The following AHCTF1 variants were observed in gnomAD, a reference collection of about 807,000 sequenced individuals.
AHCTF1 encodes the protein protein ELYS.
In AHCTF1, 24 loss-of-function variants were observed where a neutral mutation model predicts 248.4. That is an observed-to-expected ratio of 0.10 (90% CI 0.07 to 0.14). The LOEUF is 0.14. Among genes scored for constraint, AHCTF1 ranks in the 10% least tolerant of loss-of-function variants. The probability of loss-of-function intolerance (pLI) is 1.00; values close to 1 mark genes in which losing one functional copy is unlikely to be tolerated. For synonymous variants in AHCTF1, 786 were observed against 929.8 expected, an observed-to-expected ratio of 0.85 and a Z score of 2.81; for missense variants, 2,206 against 2,636.2, an observed-to-expected ratio of 0.84 and a Z score of 3.57.
intron 11 of AHCTF1, among the ~76,000 whole-genome samples, 199 bp from the exon 12 acceptor site, chr1:246,898,535 T>C (rs1298838752): frequency 6.6e-6 from 1 of 152,094 alleles, no homozygotes; most frequent in African/African-American, 2.4e-5. Flanking sequence ...ATACTACTAT[T>C]AGCAAAAGGT....
intron 24 of AHCTF1, among the ~76,000 whole-genome samples, chr1:246,872,648 A>G (rs1002606378): frequency 3.3e-5 from 5 of 152,202 alleles, no homozygotes; most frequent in Non-Finnish European, 7.3e-5. Flanking sequence ...GGATCACGCT[A>G]GCCAAACTAT....
At position 246,861,607 on chromosome 1, in the gene AHCTF1, A is replaced by G. The variant is rs114583882; in HGVS notation, c.3736-312T>C. Among the ~76,000 whole-genome samples, 620 of 152,316 alleles carry G rather than the reference A, an allele frequency of 4.1e-3. 3 individuals are homozygous for G. Among genetic ancestry groups the G allele is most frequent in the African/African-American group, 0.014 (593 of 41,558 alleles). ...CCTCAAGACACACCCTCAAAAACATATAACTAGTTAGAAACAACACAATAT... is the reference window on the plus strand; with the variant it reads ...CCTCAAGACACACCCTCAAAAACATGTAACTAGTTAGAAACAACACAATAT... On this transcript the variant is annotated intron_variant, in intron 28 of 35. Coordinates refer to ENST00000648844, the MANE Select transcript of AHCTF1 (RefSeq NM_001323342.2).
At chr1:246,883,068 A>C (rs1373486207) in intron 21 of AHCTF1, among the ~76,000 whole-genome samples, 1 of 152,238 alleles carries the variant, frequency 6.6e-6, no homozygotes, top group Admixed American at 6.5e-5. Flanking sequence ...ATTAATAAAC[A>C]ATATCACTAA....
Position 246,860,939 on chromosome 1 carries a change from A to T in AHCTF1, c.4092T>A (p.Phe1364Leu). Reference sequence around the variant, plus strand: ...GGTCTGAAGGAGTTACTTCTGATGCAAATACATCTTTATCTCCATCCTTTT... The same window carrying T: ...GGTCTGAAGGAGTTACTTCTGATGCTAATACATCTTTATCTCCATCCTTTT... ...QTEKDGDKDV[F>L]ASEVTPSDLQ... is the part of the protein sequence containing the mutation. The change falls in exon 29 of 36, where the codon TTT becomes TTA. Residue 1364 changes from phenylalanine to leucine, a missense_variant. Phe to Leu is a conservative substitution (Grantham distance 22). Transcript: ENST00000648844. The T allele has an allele frequency of 6.2e-7, 1 of 1,612,488 alleles. No homozygotes were observed. The highest frequency in any genetic ancestry group is 8.5e-7 in the Non-Finnish European group (1 of 1,178,560).
rs766800016 is a variant in AHCTF1 at position 246,916,416 on chromosome 1, C to T, written c.122-21G>A. 6.1e-5 allele frequency: 97 copies of T among 1,600,554 alleles called. No individual in the cohort carries two copies. The Admixed American group carries it at 1.2e-3, about 21-fold the overall frequency. ...TTTCCCTAGAAGAAAAAAAAATTGC[C>T]TATTTTAATATTGTATATACACAAA... On this transcript the variant is annotated intron_variant, in intron 2 of 35. Coordinates refer to ENST00000648844, the MANE Select transcript of AHCTF1 (RefSeq NM_001323342.2).
In AHCTF1 at chr1:246,850,402, T is replaced by C; in HGVS notation, c.5604A>G (p.Thr1868=). 1 of 1,606,470 alleles carries C rather than the reference T, an allele frequency of 6.2e-7. No homozygotes were observed. The highest frequency in any genetic ancestry group is 1.1e-5 in the South Asian group (1 of 89,618). ...TTTTAATTCTTCTAGGAGTCCTTTT[T>C]GTAACAGATGAAACCTTAACTTCTT... The part of the protein sequence containing the change: ...TKKEVKVSSV[T]KRTPRRIKRS... Residue 1868 remains threonine (T), a synonymous_variant, in exon 33 of 36, where the codon ACA becomes ACG. Transcript: ENST00000648844.
intron 12 of AHCTF1, among the ~76,000 whole-genome samples, chr1:246,896,798 T>G (rs997946337): frequency 1.2e-4 from 18 of 152,138 alleles, no homozygotes; most frequent in African/African-American, 4.3e-4. Flanking sequence ...ATTTCATTCA[T>G]TACAGGAGCA....
rs1661772089 is a variant in AHCTF1, at chr1:246,864,063, A to G, written c.3401T>C (p.Phe1134Ser). The G allele has an allele frequency of 4.3e-6, 7 of 1,614,200 alleles. No individual in the cohort carries two copies. Among genetic ancestry groups the G allele is most frequent in the African/African-American group, 4.0e-5 (3 of 75,066 alleles). Residue 1134 changes from phenylalanine to serine, a missense_variant, in exon 27 of 36, where the codon TTT becomes TCT. Transcript: ENST00000648844. ...PVPRPSQCSE[F>S]IQQSSMKSPL... The stretch of plus-strand genomic sequence containing the variant: ...AGATTTCATGGAGCTTTGCTGAATA[A>G]ACTCCGAACACTGAGAAGGCCGGGG...
At chr1:246,914,358 G>C (rs1460708468) in intron 3 of AHCTF1, among the ~76,000 whole-genome samples, 1 of 152,160 alleles carries the variant, frequency 6.6e-6, no homozygotes, top group East Asian at 1.9e-4. Context: ...GGCAAGAAAA[G>C]AAAATATCTG....
intron 13 of AHCTF1, 97 bp from the exon 14 acceptor site, chr1:246,894,845 C>A (rs1442265795): frequency 2.0e-6 from 2 of 982,686 alleles, no homozygotes; most frequent in Admixed American, 4.1e-5. Flanking sequence ...GCACCCTAAC[C>A]GAGTGAACAT....
rs139187692 is a variant in AHCTF1 at position 246,896,396 on chromosome 1, C to T, written c.1624-471G>A. On this transcript the variant is annotated intron_variant, in intron 12 of 35. Transcript: ENST00000648844. ...TACAGCCATAAAAGGGGATGAAGTACTGATACTTGCTATAATACAGATGAA... is the reference window on the plus strand; with the variant it reads ...TACAGCCATAAAAGGGGATGAAGTATTGATACTTGCTATAATACAGATGAA... Among the ~76,000 whole-genome samples, 23 of 152,278 alleles carry T rather than the reference C, an allele frequency of 1.5e-4. No individual in the cohort carries two copies. The East Asian group carries it at 4.0e-3, about 27-fold the overall frequency.
chr1:246,848,794 G>A (rs983414202), intron 33 of AHCTF1, among the ~76,000 whole-genome samples: 3 of 151,930 alleles, frequency 2.0e-5, no homozygotes, highest in Non-Finnish European at 4.4e-5. Flanking sequence ...ATGTTGCAGT[G>A]AGCCGAGATC....
At chr1:246,887,771 T>C (rs1663929721) in intron 19 of AHCTF1, among the ~76,000 whole-genome samples, 1 of 152,204 alleles carries the variant, frequency 6.6e-6, no homozygotes, top group Admixed American at 6.5e-5. Context: ...ACAAAAATAT[T>C]ATCACAAAGA....
At chr1:246,860,225 G>A (rs1229255639) in intron 29 of AHCTF1, among the ~76,000 whole-genome samples, 5 of 152,056 alleles carry the variant, frequency 3.3e-5, no homozygotes, top group Middle Eastern at 3.4e-3. Flanking sequence ...CCGAGATCAC[G>A]CCACTGCACT....
chr1:246,857,935 CTG>C, intron 29 of AHCTF1, 121 bp from the exon 30 acceptor site: 4 of 834,820 alleles, frequency 4.8e-6, no homozygotes, highest in Non-Finnish European at 7.3e-6. Context: ...AGGTTTGCTG[CTG>C]TGTTATCAGA....
intron 4 of AHCTF1, among the ~76,000 whole-genome samples, chr1:246,908,914 A>G (rs1665588853): frequency 6.6e-6 from 1 of 151,468 alleles, no homozygotes. Flanking sequence ...AAAAAAAAAA[A>G]AAGAATCTTA....
At chr1:246,856,256 G>A (rs940586569) in intron 30 of AHCTF1, among the ~76,000 whole-genome samples, 1 of 152,154 alleles carries the variant, frequency 6.6e-6, no homozygotes, top group Admixed American at 6.5e-5. Context: ...CTCAGAATAA[G>A]AGACCAATGA....
intron 1 of AHCTF1, among the ~76,000 whole-genome samples, chr1:246,927,050 A>C (rs1231179572): frequency 2.0e-5 from 3 of 150,042 alleles, no homozygotes; most frequent in East Asian, 4.0e-4. Flanking sequence ...TGGTGACGGG[A>C]ACCTGTAGTC....
At chr1:246,862,741 T>C (rs1035648854) in intron 27 of AHCTF1, among the ~76,000 whole-genome samples, 41 of 152,198 alleles carry the variant, frequency 2.7e-4, no homozygotes, top group African/African-American at 9.6e-4. Flanking sequence ...ACTTAAATTA[T>C]AGAATTATAC....
Sources: allele counts gnomAD v4.1 joint callset (sites outside exome capture counted in the v4.1 genomes callset), GRCh38; gene constraint gnomAD v4.1.1; transcripts MANE v1.5; gene names NCBI Gene and HGNC (gene_info 2026-07-23, HGNC 2026-07-21).